The following ZNF334 variants were observed in gnomAD, a reference collection of about 807,000 sequenced individuals.
ZNF334 encodes zinc finger protein 334.
In ZNF334, 14 loss-of-function variants were observed where a neutral mutation model predicts 12.4. The observed-to-expected ratio is 1.13, with a 90% confidence interval of 0.74 to 1.76. ZNF334 has a LOEUF of 1.76. Ranked by LOEUF, ZNF334 falls within the 40% of genes most tolerant of loss-of-function variation. The probability of loss-of-function intolerance (pLI) is 0.00; values close to 1 mark genes in which losing one functional copy is unlikely to be tolerated. For synonymous variants in ZNF334, 273 were observed against 269.6 expected, an observed-to-expected ratio of 1.01 and a Z score of -0.12; for missense variants, 797 against 804.5, an observed-to-expected ratio of 0.99 and a Z score of 0.11.
At chr20:46,494,028 T>C in the ZNF334 span, among the ~76,000 whole-genome samples, 2 of 152,158 alleles carry the variant, frequency 1.3e-5, no homozygotes, top group Admixed American at 6.5e-5. Flanking sequence ...AATGGAAAAA[T>C]TGCAACAATT....
the ZNF334 span, among the ~76,000 whole-genome samples, chr20:46,494,583 A>C: frequency 6.6e-6 from 1 of 152,230 alleles, no homozygotes; most frequent in Non-Finnish European, 1.5e-5. Flanking sequence ...ATTGTTATGA[A>C]TATTATAAAA....
intron 2 of ZNF334, chr20:46,505,761 A>G (rs1316175219): frequency 6.5e-6 from 1 of 153,730 alleles, no homozygotes; most frequent in Non-Finnish European, 1.5e-5. Flanking sequence ...AACAGAGACC[A>G]CAGGGCCAGC....
intron 2 of ZNF334, among the ~76,000 whole-genome samples, chr20:46,509,921 T>C (rs117506588): frequency 0.015 from 2,324 of 152,340 alleles, 35 homozygotes; most frequent in Non-Finnish European, 0.019. Flanking sequence ...TTTGAATTGC[T>C]TGTGTAATAT....
intron 2 of ZNF334, chr20:46,506,491 T>G: frequency 2.5e-6 from 1 of 400,782 alleles, no homozygotes; most frequent in Non-Finnish European, 4.4e-6. Flanking sequence ...TAGCCAGGCA[T>G]GGTGGCATGT....
Position 46,501,819 on chromosome 20 carries a change from C to A in ZNF334, c.1520G>T (p.Cys507Phe), listed in dbSNP as rs749377376. 16 of 1,613,816 alleles carry A rather than the reference C, an allele frequency of 9.9e-6. No homozygotes were observed. In the East Asian group the frequency reaches 3.1e-4, roughly 32 times the overall value. Reference protein sequence around the residue: ...ISIVKSNCSQCKRMNTKENLY... With the variant: ...ISIVKSNCSQFKRMNTKENLY... ...ATTCTCCTTTGTGTTCATTCTCTTA[C>A]ACTGACTGCAGTTTGACTTCACAAT... The change falls in exon 5 of 5, where the codon TGT (cysteine) becomes TTT (phenylalanine). Residue 507 changes from cysteine (C) to phenylalanine (F), a missense_variant. Transcript: ENST00000692313.
downstream of ZNF334, chr20:46,496,875 T>C (rs2061034582): frequency 6.6e-6 from 1 of 152,210 alleles, no homozygotes; most frequent in Non-Finnish European, 1.5e-5. Context: ...TAGAAGACAG[T>C]AAAAACTGCC....
At chr20:46,474,777 A>G in the ZNF334 span, 2 of 152,276 alleles carry the variant, frequency 1.3e-5, no homozygotes, top group Admixed American at 6.5e-5. Flanking sequence ...TTCAATAGAT[A>G]CAATAATTGC....
the ZNF334 span, among the ~76,000 whole-genome samples, chr20:46,486,163 C>G: frequency 7.2e-5 from 11 of 152,198 alleles, no homozygotes; most frequent in Admixed American, 1.3e-4. Context: ...GTCACTGTTG[C>G]TCTAGTCAAG....
At chr20:46,483,270 T>C in the ZNF334 span, among the ~76,000 whole-genome samples, 1 of 151,592 alleles carries the variant, frequency 6.6e-6, no homozygotes, top group Non-Finnish European at 1.5e-5. Flanking sequence ...ACTTTAGGCA[T>C]TTGTCTAGTC....
the ZNF334 span, among the ~76,000 whole-genome samples, chr20:46,465,699 T>C: frequency 6.6e-6 from 1 of 152,000 alleles, no homozygotes; most frequent in Non-Finnish European, 1.5e-5. Flanking sequence ...CACTCCAGCC[T>C]GTCCCAGCAC....
chr20:46,501,598 A>G lies in ZNF334; in HGVS notation c.1741T>C (p.Phe581Leu). The change falls in exon 5 of 5, where the codon TTC becomes CTC. Residue 581 changes from phenylalanine to leucine, a missense_variant. Coordinates refer to ENST00000692313, the MANE Select transcript of ZNF334 (RefSeq NM_001353824.2). The stretch of plus-strand genomic sequence containing the variant: ...TCAACAAAGGAGAACTTCTGACAGA[A>G]GGTTTTCCCACATTCATTACACTCA... ...PYECNECGKT[F>L]CQKFSFVEHQ... 1 of 1,614,060 alleles carries G rather than the reference A, an allele frequency of 6.2e-7. No individual in the cohort carries two copies. The highest frequency in any genetic ancestry group is 8.5e-7 in the Non-Finnish European group (1 of 1,179,954).
At chr20:46,503,829 G>A (rs372984336) in intron 4 of ZNF334, among the ~76,000 whole-genome samples, 91 of 152,266 alleles carry the variant, frequency 6.0e-4, no homozygotes, top group African/African-American at 2.1e-3. Context: ...GTTAAGTGAC[G>A]TAGAGAAAAA....
chr20:46,491,910 A>C, the ZNF334 span: 1 of 154,652 alleles, frequency 6.5e-6, no homozygotes, highest in Non-Finnish European at 1.5e-5. Context: ...AAACCCTATG[A>C]ATGTGGTGAA....
rs2061096633 is a variant in ZNF334 at position 46,499,902 on chromosome 20, GC to G, written c.*1393del. 6.6e-6 allele frequency: 1 copy of G among 152,066 alleles called. No homozygotes were observed. Among genetic ancestry groups the G allele is most frequent in the Non-Finnish European group, 1.5e-5 (1 of 67,996 alleles). The allele number at this position is 152,066 out of a possible 1,614,324, so 9.4% of individuals were successfully genotyped here. A position where few individuals can be genotyped will look rare whatever the true frequency, so the allele number is the denominator to read the frequency against. ...ATGTTCATATTGGGTTCTCTGAAGG[GC>G]CCCAAATAAATAGCACAATTTCCCC... On this transcript the variant is annotated 3_prime_UTR_variant, in exon 5 of 5. Coordinates refer to ENST00000692313, the MANE Select transcript of ZNF334 (RefSeq NM_001353824.2).
Position 46,501,946 on chromosome 20 carries a change from C to A in ZNF334, c.1393G>T (p.Glu465Ter). ...TTATGGCAGAAAAATTTCCCACATT[C>A]ATTACATTCATAAGACTTCTTTCCT... ...HRGKKSYECN[E>*]CGKFFCHKST... The change falls in exon 5 of 5, where the codon GAA becomes TAA. Residue 465 changes from glutamate (E) to a stop codon, truncating the protein, a stop_gained. Coordinates refer to ENST00000692313, the MANE Select transcript of ZNF334 (RefSeq NM_001353824.2). LOFTEE classifies it low-confidence loss of function (END_TRUNC). 1 of 1,614,038 alleles carries A rather than the reference C, an allele frequency of 6.2e-7. No homozygotes were observed. The highest frequency in any genetic ancestry group is 2.2e-5 in the East Asian group (1 of 44,888).
At chr20:46,482,984 A>T in the ZNF334 span, among the ~76,000 whole-genome samples, 2 of 152,176 alleles carry the variant, frequency 1.3e-5, no homozygotes, top group African/African-American at 2.4e-5. Context: ...CTAGACTTAG[A>T]ATTTCTGAGT....
the ZNF334 span, among the ~76,000 whole-genome samples, chr20:46,473,225 C>A: frequency 1.3e-5 from 2 of 152,156 alleles, no homozygotes; most frequent in Non-Finnish European, 2.9e-5. Context: ...AGGCTACCCT[C>A]GTATTCCAAT....
chr20:46,509,537 C>A, intron 2 of ZNF334: 2 of 702,786 alleles, frequency 2.8e-6, no homozygotes, highest in South Asian at 3.0e-5. Context: ...TCTGGGAGGA[C>A]CACCAGGAGA....
chr20:46,503,159 G>A, intron 4 of ZNF334, 62 bp from the exon 5 acceptor site: 2 of 1,492,632 alleles, frequency 1.3e-6, no homozygotes, highest in Non-Finnish European at 1.8e-6. Context: ...TATGAAATGA[G>A]AATTCCTTAG....
Sources: allele counts gnomAD v4.1 joint callset (sites outside exome capture counted in the v4.1 genomes callset), GRCh38; gene constraint gnomAD v4.1.1; transcripts MANE v1.5; gene names NCBI Gene and HGNC (gene_info 2026-07-23, HGNC 2026-07-21).